ALMS1: variants seen among roughly 807,000 people sequenced by gnomAD.
ALMS1 encodes centrosome-associated protein ALMS1.
Under a neutral mutation model 352.2 loss-of-function variants are expected in ALMS1, and 271 were observed. The observed-to-expected ratio is 0.77, with a 90% confidence interval of 0.70 to 0.85. The LOEUF (loss-of-function observed/expected upper bound fraction) is 0.85. Ranked by LOEUF, ALMS1 falls within the 40% of genes least tolerant of loss-of-function variation. The probability of loss-of-function intolerance (pLI) is 0.00; values close to 1 mark genes in which losing one functional copy is unlikely to be tolerated. For synonymous variants in ALMS1, 1,865 were observed against 1,761.2 expected (o/e 1.06, Z -1.48); for missense variants, 5,445 against 4,870.7 (o/e 1.12, Z -3.51).
rs771116412 is a variant in ALMS1, at chr2:73,448,002, A to T, written c.1475A>T (p.Asn492Ile). ...KGGIAKVTQS[N>I]LKSGITTTPV... ...GGCATAGCTAAAGTTACTCAATCCA[A>T]CTTGAAGTCAGGCATCACTACCACT... Residue 492 changes from asparagine (N) to isoleucine (I), a missense_variant, in exon 8 of 23, where the codon AAC becomes ATC. Asn to Ile is a moderately radical substitution (Grantham distance 149, BLOSUM62 -3). Coordinates refer to ENST00000613296, the MANE Select transcript of ALMS1 (RefSeq NM_001378454.1). 1 of 1,613,580 alleles carries T rather than the reference A, an allele frequency of 6.2e-7. No individual in the cohort carries two copies. The highest frequency in any genetic ancestry group is 1.1e-5 in the South Asian group (1 of 90,962).
chr2:73,464,929 C>G (rs909226926), intron 9 of ALMS1, among the ~76,000 whole-genome samples: 1 of 152,140 alleles, frequency 6.6e-6, no homozygotes, highest in African/African-American at 2.4e-5. Context: ...CAAACCACTG[C>G]TCAATGAAAT....
intron 12 of ALMS1, among the ~76,000 whole-genome samples, chr2:73,536,604 TA>T (rs1257955897): frequency 6.6e-6 from 1 of 152,200 alleles, no homozygotes; most frequent in Non-Finnish European, 1.5e-5. Context: ...TCCTAGCCGT[TA>T]TCTATGAATA....
At chr2:73,461,784 A>C (rs898121613) in intron 9 of ALMS1, among the ~76,000 whole-genome samples, 2 of 152,238 alleles carry the variant, frequency 1.3e-5, no homozygotes, top group African/African-American at 4.8e-5. Context: ...CTAAAAGCAA[A>C]GGCGCGAGAA....
chr2:73,529,309 G>T (rs1002142000), intron 11 of ALMS1, among the ~76,000 whole-genome samples: 4 of 152,222 alleles, frequency 2.6e-5, no homozygotes, highest in Admixed American at 2.6e-4. Context: ...CTCCCAAAGT[G>T]TTGGAATTAC....
At chr2:73,423,680 C>G (rs535405710) in intron 4 of ALMS1, among the ~76,000 whole-genome samples, 1 of 152,092 alleles carries the variant, frequency 6.6e-6, no homozygotes, top group South Asian at 2.1e-4. Flanking sequence ...GAAAAGTGAT[C>G]TATACACATT....
At position 73,494,893 on chromosome 2, in the gene ALMS1, T is replaced by A. The variant is rs533906868; in HGVS notation, c.9539+3395T>A. On this transcript the variant is annotated intron_variant, in intron 10 of 22. Coordinates refer to ENST00000613296, the MANE Select transcript of ALMS1 (RefSeq NM_001378454.1). ...TTTCTGCTTAAACTTTGACTACTAA[T>A]TTTAGCATTCATGAGTGGATCTTGG... 3.9e-5 allele frequency among the ~76,000 whole-genome samples: 6 copies of A among 152,354 alleles called. No individual in the cohort carries two copies. The South Asian group carries it at 1.2e-3, about 32-fold the overall frequency.
At chr2:73,427,681 C>T (rs1489769880) in intron 6 of ALMS1, among the ~76,000 whole-genome samples, 1 of 152,064 alleles carries the variant, frequency 6.6e-6, no homozygotes. Context: ...TGTTCCCCTC[C>T]CTGTGTCATT....
intron 1 of ALMS1, among the ~76,000 whole-genome samples, chr2:73,400,482 G>T (rs72907402): frequency 1.3e-5 from 2 of 152,138 alleles, no homozygotes; most frequent in African/African-American, 4.8e-5. Context: ...TATTCTCTCT[G>T]ATTCTGTCTT....
Position 73,450,563 on chromosome 2 carries a change from C to T in ALMS1, c.4036C>T (p.Gln1346Ter). The change falls in exon 8 of 23, where the codon CAG (glutamine) becomes TAG (stop). Residue 1346 changes from glutamine (Q) to a stop codon, truncating the protein, a stop_gained. Coordinates refer to ENST00000613296, the MANE Select transcript of ALMS1 (RefSeq NM_001378454.1). LOFTEE classifies it high-confidence loss of function. ...AGAGAAGCCTGGTGTTTTCTACCAACAGGTCTTGCCACATAGTCATCCAAC... is the reference window on the plus strand; with the variant it reads ...AGAGAAGCCTGGTGTTTTCTACCAATAGGTCTTGCCACATAGTCATCCAAC... ...HTEKPGVFYQ[Q>*]VLPHSHPTEE... The T allele has an allele frequency of 6.2e-7, 1 of 1,612,774 alleles. No homozygotes were observed. The highest frequency in any genetic ancestry group is 8.5e-7 in the Non-Finnish European group (1 of 1,179,810).
In ALMS1 at chr2:73,519,844, G is replaced by T; in HGVS notation, c.9609G>T (p.Gln3203His). The T allele has an allele frequency of 6.2e-7, 1 of 1,614,018 alleles. No individual in the cohort carries two copies. The highest frequency in any genetic ancestry group is 2.2e-5 in the East Asian group (1 of 44,860). Residue 3203 changes from glutamine to histidine, a missense_variant, in exon 11 of 23, where the codon CAG becomes CAT. Gln to His is a conservative substitution (Grantham distance 24). Coordinates refer to ENST00000613296, the MANE Select transcript of ALMS1 (RefSeq NM_001378454.1). The stretch of plus-strand genomic sequence containing the variant: ...AATTGTCATCTGATGCAGTCACTCA[G>T]ATAACAACAGAAAGTCCAGAAAAGA... ...SEKLSSDAVT[Q>H]ITTESPEKTL...
intron 4 of ALMS1, 53 bp downstream of exon 4, chr2:73,423,027 AC>A: frequency 6.7e-7 from 1 of 1,483,150 alleles, no homozygotes; most frequent in Non-Finnish European, 9.4e-7. Context: ...CTATGTTTTT[AC>A]TAATATTAGT....
chr2:73,468,072 A>T (rs544419973), intron 9 of ALMS1, among the ~76,000 whole-genome samples: 144 of 152,154 alleles, frequency 9.5e-4, no homozygotes, highest in Non-Finnish European at 1.7e-3. Context: ...ACACCTTATT[A>T]AAGATTTATT....
At chr2:73,598,607 A>G (rs1573051599) in intron 16 of ALMS1, among the ~76,000 whole-genome samples, 1 of 152,224 alleles carries the variant, frequency 6.6e-6, no homozygotes, top group East Asian at 1.9e-4. Flanking sequence ...ATTTACCTCC[A>G]CCAGACCTGC....
chr2:73,550,180 A>G (rs1029654591), intron 12 of ALMS1, 87 bp from the exon 13 acceptor site: 47 of 1,447,896 alleles, frequency 3.2e-5, no homozygotes, highest in Non-Finnish European at 4.2e-5. Context: ...TTTTCATAGA[A>G]TTGGTCTAAG....
intron 13 of ALMS1, 66 bp from the exon 14 acceptor site, chr2:73,557,153 GA>G: frequency 6.2e-7 from 1 of 1,601,670 alleles, no homozygotes. Context: ...AATTGTGGGG[GA>G]GGATTACTTG....
At chr2:73,396,318 A>G (rs1047606967) in intron 1 of ALMS1, among the ~76,000 whole-genome samples, 1 of 151,980 alleles carries the variant, frequency 6.6e-6, no homozygotes, top group Non-Finnish European at 1.5e-5. Flanking sequence ...ACACACACAC[A>G]CACACACACA....
intron 10 of ALMS1, among the ~76,000 whole-genome samples, chr2:73,519,347 A>G (rs1225629108): frequency 6.6e-6 from 1 of 152,180 alleles, no homozygotes. Context: ...TATGATCTCA[A>G]GATATAACTG....
chr2:73,496,631 G>A (rs944392723), intron 10 of ALMS1, among the ~76,000 whole-genome samples: 1 of 146,436 alleles, frequency 6.8e-6, no homozygotes, highest in Non-Finnish European at 1.6e-5. Context: ...ATTTAACTTT[G>A]TAAGAATTAT....
intron 9 of ALMS1, among the ~76,000 whole-genome samples, chr2:73,459,830 T>G (rs1672148484): frequency 6.6e-6 from 1 of 152,178 alleles, no homozygotes; most frequent in African/African-American, 2.4e-5. Context: ...GAGAGTGGCA[T>G]GTAGAAACTA....
Sources: allele counts gnomAD v4.1 joint callset (sites outside exome capture counted in the v4.1 genomes callset), GRCh38; gene constraint gnomAD v4.1.1; transcripts MANE v1.5; gene names NCBI Gene and HGNC (gene_info 2026-07-23, HGNC 2026-07-21).